Variants in KHDRBS2 observed in about 807,000 individuals in gnomAD.
KHDRBS2 encodes KH domain-containing, RNA-binding, signal transduction-associated protein 2.
In KHDRBS2, 26 loss-of-function variants were observed where a neutral mutation model predicts 44.3. The ratio of observed to expected loss-of-function variants is 0.59; its 90% CI spans 0.43 to 0.81. The LOEUF is 0.81. KHDRBS2 is among the 40% of genes least tolerant of loss of function. KHDRBS2 has a pLI of 0.00. For synonymous variants in KHDRBS2, 194 were observed against 151.1 expected (o/e 1.28, Z -2.08); for missense variants, 476 against 433.1 (o/e 1.10, Z -0.88).
At chr6:61,916,451 A>G (rs2127355502) in intron 4 of KHDRBS2, among the ~76,000 whole-genome samples, 1 of 152,068 alleles carries the variant, frequency 6.6e-6, no homozygotes, top group South Asian at 2.1e-4. Context: ...CTATTAGAAA[A>G]ATTGTCAAGT....
chr6:61,945,152 C>G (rs28715211), intron 4 of KHDRBS2, among the ~76,000 whole-genome samples: 3 of 45,620 alleles, frequency 6.6e-5, no homozygotes, highest in Non-Finnish European at 1.4e-4. Flanking sequence ...TATATATATA[C>G]ACACAGACTT....
the KHDRBS2 span, among the ~76,000 whole-genome samples, chr6:61,661,789 G>C: frequency 6.6e-6 from 1 of 151,920 alleles, no homozygotes; most frequent in Non-Finnish European, 1.5e-5. Flanking sequence ...TCATGGGTAG[G>C]AAGAATCAAT....
At chr6:61,582,083 C>T in the KHDRBS2 span, among the ~76,000 whole-genome samples, 3 of 151,554 alleles carry the variant, frequency 2.0e-5, no homozygotes, top group Non-Finnish European at 4.4e-5. Flanking sequence ...AGCAAGTGAA[C>T]CCCTTTTGGA....
chr6:61,694,663 C>A (rs1327212024), intron 8 of KHDRBS2, among the ~76,000 whole-genome samples: 1 of 152,180 alleles, frequency 6.6e-6, no homozygotes, highest in African/African-American at 2.4e-5. Context: ...TACACCTCAG[C>A]CTGGCTGGCC....
chr6:62,187,310 C>T (rs1823647512), intron 1 of KHDRBS2, among the ~76,000 whole-genome samples: 1 of 152,004 alleles, frequency 6.6e-6, no homozygotes, highest in Admixed American at 6.6e-5. Flanking sequence ...AGGTTCTGAA[C>T]CATTATATCA....
intron 4 of KHDRBS2, among the ~76,000 whole-genome samples, chr6:61,946,042 T>G (rs1338599412): frequency 1.3e-5 from 2 of 152,202 alleles, no homozygotes; most frequent in Admixed American, 6.5e-5. Flanking sequence ...TAATGAGAGA[T>G]AATGCAGGCA....
In KHDRBS2 at chr6:61,901,267, T is replaced by C; in HGVS notation, c.588A>G (p.Arg196=). The change falls in exon 5 of 9, where the codon AGA becomes AGG. Residue 196 remains arginine, a synonymous_variant. Transcript: ENST00000281156. ...ACCTTGAAGGAGCTGTGGGAGCTAT[T>C]CTGATCCCTCTGCCTCTAATACCTC... ...RGRGIRGRGI[R]IAPTAPSRGR... 1 of 1,613,682 alleles carries C rather than the reference T, an allele frequency of 6.2e-7. No individual in the cohort carries two copies. The highest frequency in any genetic ancestry group is 8.5e-7 in the Non-Finnish European group (1 of 1,179,746).
intron 6 of KHDRBS2, among the ~76,000 whole-genome samples, chr6:61,758,664 T>C (rs561126284): frequency 1.3e-5 from 2 of 152,174 alleles, no homozygotes; most frequent in South Asian, 4.1e-4. Context: ...TACATAACTT[T>C]TCCAAAAATA....
intron 1 of KHDRBS2, among the ~76,000 whole-genome samples, chr6:62,235,955 T>A (rs1296294939): frequency 6.6e-6 from 1 of 152,132 alleles, no homozygotes; most frequent in African/African-American, 2.4e-5. Context: ...CCATTTTTTA[T>A]TCTGGAGGAG....
chr6:61,757,770 C>A (rs927608516), intron 6 of KHDRBS2, among the ~76,000 whole-genome samples: 39 of 151,922 alleles, frequency 2.6e-4, no homozygotes, highest in Non-Finnish European at 5.4e-4. Context: ...TAGGTGGAAC[C>A]AAAGCAGTTC....
chr6:61,640,568 C>G, the KHDRBS2 span, among the ~76,000 whole-genome samples: 1 of 152,050 alleles, frequency 6.6e-6, no homozygotes, highest in Non-Finnish European at 1.5e-5. Context: ...TTTCACTGTT[C>G]TCTAAGGACC....
At chr6:61,834,176 C>T (rs1024344359) in intron 6 of KHDRBS2, among the ~76,000 whole-genome samples, 2 of 151,910 alleles carry the variant, frequency 1.3e-5, no homozygotes, top group African/African-American at 4.8e-5. Flanking sequence ...TATTACTAAA[C>T]ATTAATATCT....
chr6:62,110,536 A>G (rs1371254895), intron 2 of KHDRBS2, among the ~76,000 whole-genome samples: 1 of 152,098 alleles, frequency 6.6e-6, no homozygotes, highest in Non-Finnish European at 1.5e-5. Context: ...ATTTACACAT[A>G]CAGAACATGG....
chr6:61,718,827 A>G (rs1369831362), intron 7 of KHDRBS2, among the ~76,000 whole-genome samples: 2 of 152,030 alleles, frequency 1.3e-5, no homozygotes, highest in Non-Finnish European at 2.9e-5. Flanking sequence ...CCCTTGTGGT[A>G]CTCGTCCACT....
the KHDRBS2 span, among the ~76,000 whole-genome samples, chr6:61,636,634 T>G: frequency 6.6e-6 from 1 of 152,250 alleles, no homozygotes; most frequent in Admixed American, 6.6e-5. Context: ...ATCTAATGGA[T>G]AGAGGTCAGA....
intron 1 of KHDRBS2, among the ~76,000 whole-genome samples, chr6:62,205,136 T>C (rs1033549544): frequency 3.3e-5 from 5 of 152,122 alleles, no homozygotes; most frequent in African/African-American, 1.2e-4. Flanking sequence ...TCAGGAATCA[T>C]GTGGTCCATT....
intron 6 of KHDRBS2, among the ~76,000 whole-genome samples, chr6:61,863,212 T>C (rs1044858451): frequency 1.3e-5 from 2 of 151,728 alleles, no homozygotes; most frequent in African/African-American, 2.4e-5. Context: ...TCTTTTTCCT[T>C]ATTTTTTCAA....
chr6:61,764,694 T>G lies in KHDRBS2; in HGVS notation c.811-31930A>C, dbSNP rs184942991. Among the ~76,000 whole-genome samples, 8 of 152,318 alleles carry G rather than the reference T, an allele frequency of 5.3e-5. No homozygotes were observed. In the East Asian group the frequency reaches 1.5e-3, roughly 29 times the overall value. On this transcript the variant is annotated intron_variant, in intron 6 of 8. Coordinates refer to ENST00000281156, the MANE Select transcript of KHDRBS2 (RefSeq NM_152688.4). Reference sequence around the variant, plus strand: ...ATGTCTTCTTTTGAGAAGTGTGTATTCATGTCCTTTGCACACTTTTCAATA... The same window carrying G: ...ATGTCTTCTTTTGAGAAGTGTGTATGCATGTCCTTTGCACACTTTTCAATA...
intron 7 of KHDRBS2, among the ~76,000 whole-genome samples, chr6:61,729,283 C>T (rs1326579505): frequency 6.6e-6 from 1 of 152,010 alleles, no homozygotes; most frequent in East Asian, 1.9e-4. Flanking sequence ...ATGATGAGAA[C>T]ACATGGGCAC....
Sources: allele counts gnomAD v4.1 joint callset (sites outside exome capture counted in the v4.1 genomes callset), GRCh38; gene constraint gnomAD v4.1.1; transcripts MANE v1.5; gene names NCBI Gene and HGNC (gene_info 2026-07-23, HGNC 2026-07-21).